Variants in IFNGR2 observed in about 807,000 individuals in gnomAD.
IFNGR2 encodes IFN-gamma receptor 2.
A neutral mutation model predicts 41.1 loss-of-function variants in IFNGR2; 15 were observed. The ratio of observed to expected loss-of-function variants is 0.37; its 90% CI spans 0.24 to 0.56. The LOEUF (loss-of-function observed/expected upper bound fraction) is 0.56, where lower values mean the gene tolerates loss of function less well. Ranked by LOEUF, IFNGR2 falls within the 20% of genes least tolerant of loss-of-function variation. The probability of loss-of-function intolerance (pLI) is 0.81; values close to 1 mark genes in which losing one functional copy is unlikely to be tolerated. For synonymous variants in IFNGR2, 161 were observed against 171.6 expected (o/e 0.94, Z 0.48); for missense variants, 362 against 415.7 (o/e 0.87, Z 1.12).
intron 6 of IFNGR2, 124 bp downstream of exon 6, chr21:33,432,995 C>T: frequency 1.3e-6 from 1 of 788,482 alleles, no homozygotes; most frequent in Non-Finnish European, 2.1e-6. Flanking sequence ...AAGCGATTCT[C>T]CTGCCTCAGC....
chr21:33,412,735 T>A (rs2083726027), intron 1 of IFNGR2, among the ~76,000 whole-genome samples: 1 of 152,160 alleles, frequency 6.6e-6, no homozygotes, highest in Non-Finnish European at 1.5e-5. Context: ...TTTCTATTTT[T>A]AGTAGAGACA....
intron 1 of IFNGR2, among the ~76,000 whole-genome samples, chr21:33,405,264 C>G (rs1337307026): frequency 6.6e-6 from 1 of 152,266 alleles, no homozygotes; most frequent in South Asian, 2.1e-4. Context: ...TCTTCCCATT[C>G]GAAGCTATAA....
chr21:33,422,448 G>T (rs1462746594), intron 3 of IFNGR2, among the ~76,000 whole-genome samples: 1 of 152,132 alleles, frequency 6.6e-6, no homozygotes, highest in African/African-American at 2.4e-5. Context: ...GATATATAAT[G>T]AACAATTTTA....
intron 4 of IFNGR2, among the ~76,000 whole-genome samples, chr21:33,430,120 C>T (rs527325680): frequency 3.7e-4 from 56 of 152,220 alleles, no homozygotes; most frequent in African/African-American, 1.3e-3. Flanking sequence ...GCCTGGGCAA[C>T]GGAGCAAGAC....
At chr21:33,434,803 A>G (rs2083927939) in intron 6 of IFNGR2, among the ~76,000 whole-genome samples, 1 of 152,146 alleles carries the variant, frequency 6.6e-6, no homozygotes. Flanking sequence ...ACAGCTCCTA[A>G]CAGGTCTCAG....
At chr21:33,429,243 C>A (rs1236004323) in intron 4 of IFNGR2, among the ~76,000 whole-genome samples, 1 of 152,080 alleles carries the variant, frequency 6.6e-6, no homozygotes, top group Non-Finnish European at 1.5e-5. Context: ...TGAAAGCCAC[C>A]AATGTGATCT....
rs1312502377 is a variant in IFNGR2 at position 33,437,124 on chromosome 21, A to T, written c.*162A>T. The T allele has an allele frequency of 1.1e-5, 7 of 613,964 alleles. No homozygotes were observed. Among genetic ancestry groups the T allele is most frequent in the African/African-American group, 7.5e-5 (4 of 53,336 alleles). 38.0% of individuals were successfully genotyped at this position (613,964 alleles called of 1,614,324 possible). A position where few individuals can be genotyped will look rare whatever the true frequency, so the allele number is the denominator to read the frequency against. On this transcript the variant is annotated 3_prime_UTR_variant, in exon 7 of 7. Coordinates refer to ENST00000290219, the MANE Select transcript of IFNGR2 (RefSeq NM_005534.4). ...GACAGCAGGTCTCATGGGGGTGACAAGCTTTTTTTTTTTTTCTTAAAGAAT... is the reference window on the plus strand; with the variant it reads ...GACAGCAGGTCTCATGGGGGTGACATGCTTTTTTTTTTTTTCTTAAAGAAT...
At chr21:33,426,725 TAATAATA>T (rs2083839218) in intron 3 of IFNGR2, among the ~76,000 whole-genome samples, 152 bp from the exon 4 acceptor site, 1 of 150,312 alleles carries the variant, frequency 6.7e-6, no homozygotes, top group African/African-American at 2.4e-5. Context: ...CTCGAAAAAA[TAATAATA>T]AATAAAGAGA....
chr21:33,436,246 T>C (rs2083949474), intron 6 of IFNGR2, among the ~76,000 whole-genome samples: 1 of 151,718 alleles, frequency 6.6e-6, no homozygotes. Flanking sequence ...TCCCAGCTAC[T>C]TGGGAGGCTG....
chr21:33,435,554 G>GTGAT (rs1352406995), intron 6 of IFNGR2, among the ~76,000 whole-genome samples: 1 of 152,126 alleles, frequency 6.6e-6, no homozygotes, highest in Non-Finnish European at 1.5e-5. Context: ...GAGTATTAAA[G>GTGAT]TGATTACTGA....
intron 1 of IFNGR2, among the ~76,000 whole-genome samples, chr21:33,413,222 A>G (rs1394067570): frequency 6.6e-6 from 1 of 152,178 alleles, no homozygotes; most frequent in East Asian, 1.9e-4. Flanking sequence ...GCTAGGTCAT[A>G]GCAGCCACAG....
At chr21:33,404,668 A>G (rs938113931) in intron 1 of IFNGR2, among the ~76,000 whole-genome samples, 3 of 152,008 alleles carry the variant, frequency 2.0e-5, no homozygotes, top group African/African-American at 4.8e-5. Flanking sequence ...AGCTCCAGCA[A>G]TCCACCCGCC....
intron 1 of IFNGR2, among the ~76,000 whole-genome samples, chr21:33,412,139 TAAG>T (rs1480227425): frequency 6.6e-6 from 1 of 152,072 alleles, no homozygotes; most frequent in East Asian, 1.9e-4. Context: ...GTTACAGTGA[TAAG>T]AAGAACCTAA....
intron 1 of IFNGR2, among the ~76,000 whole-genome samples, chr21:33,409,727 G>A (rs1284141413): frequency 1.3e-5 from 2 of 152,288 alleles, no homozygotes; most frequent in Admixed American, 6.5e-5. Flanking sequence ...ATTAGGTATG[G>A]CGCTTGAGAC....
chr21:33,409,947 T>A (rs1419958712), intron 1 of IFNGR2, among the ~76,000 whole-genome samples: 2 of 152,168 alleles, frequency 1.3e-5, no homozygotes, highest in African/African-American at 4.8e-5. Flanking sequence ...TATTGTAAGA[T>A]TTGGGGTTCG....
chr21:33,417,117 G>T (rs1347836156), intron 2 of IFNGR2, among the ~76,000 whole-genome samples: 1 of 150,506 alleles, frequency 6.6e-6, no homozygotes, highest in African/African-American at 2.4e-5. Flanking sequence ...TCTGAGACAA[G>T]GTCTCACTCT....
At chr21:33,435,183 G>GAAATT (rs1388211427) in intron 6 of IFNGR2, among the ~76,000 whole-genome samples, 1 of 152,206 alleles carries the variant, frequency 6.6e-6, no homozygotes, top group African/African-American at 2.4e-5. Flanking sequence ...GAGCAAAAGG[G>GAAATT]AAATTAATCG....
rs568098270 is a variant in IFNGR2, at chr21:33,409,092, G to A, written c.73+5476G>A. On this transcript the variant is annotated intron_variant, in intron 1 of 6. Coordinates refer to ENST00000290219, the MANE Select transcript of IFNGR2 (RefSeq NM_005534.4). The stretch of plus-strand genomic sequence containing the variant: ...CTCAGGAGGCTGAGGCAGGAGAATC[G>A]CTTGAACCCAGGAAGTGGAGGTTAC... Among the ~76,000 whole-genome samples, 7 of 151,778 alleles carry A rather than the reference G, an allele frequency of 4.6e-5. No homozygotes were observed. In the South Asian group the frequency reaches 8.3e-4, roughly 18 times the overall value.
chr21:33,424,591 T>C (rs1306689927), intron 3 of IFNGR2, among the ~76,000 whole-genome samples: 1 of 152,074 alleles, frequency 6.6e-6, no homozygotes, highest in Non-Finnish European at 1.5e-5. Flanking sequence ...AGGAGTGAGA[T>C]GGTGGTTGGA....
Sources: gnomAD v4.1 joint callset for allele counts (sites outside exome capture counted in the v4.1 genomes callset) on GRCh38, gnomAD v4.1.1 for gene constraint, MANE v1.5 for transcripts, NCBI Gene and HGNC (gene_info 2026-07-23, HGNC 2026-07-21) for gene names.